Variants in PCDHA3 observed in about 807,000 individuals in gnomAD.
The protein encoded by PCDHA3 is protocadherin alpha-3.
PCDHA3 carries 41 observed loss-of-function variants against 62.2 expected under a neutral mutation model. That is an observed-to-expected ratio of 0.66 (90% confidence interval 0.51 to 0.86). The LOEUF (loss-of-function observed/expected upper bound fraction) is 0.86, where lower values mean the gene tolerates loss of function less well. Among genes scored for constraint, PCDHA3 ranks in the 40% least tolerant of loss-of-function variants. PCDHA3 has a pLI of 0.00. For missense variants in PCDHA3, 1,304 were observed against 1,241.2 expected (o/e 1.05, Z -0.76); for synonymous variants, 640 against 555.4 (o/e 1.15, Z -2.14).
intron 3 of PCDHA3, among the ~76,000 whole-genome samples, chr5:141,009,322 G>C (rs2098405890): frequency 6.6e-6 from 1 of 152,206 alleles, no homozygotes. Flanking sequence ...AGCCTGGCAT[G>C]GGAGCTTGTG....
chr5:140,890,068 T>C (rs1353953909), intron 1 of PCDHA3, among the ~76,000 whole-genome samples: 2 of 152,196 alleles, frequency 1.3e-5, no homozygotes, highest in African/African-American at 4.8e-5. Flanking sequence ...TTTACTGGCT[T>C]ATGAGAACTG....
chr5:140,966,930 G>A (rs1554228913), intron 1 of PCDHA3: 1 of 1,603,704 alleles, frequency 6.2e-7, no homozygotes, highest in Middle Eastern at 1.7e-4. Flanking sequence ...CAGGCACCCG[G>A]CGCGCTCGTG....
intron 1 of PCDHA3, chr5:140,822,841 C>T: frequency 1.9e-6 from 3 of 1,614,204 alleles, no homozygotes; most frequent in Non-Finnish European, 2.5e-6. Flanking sequence ...CACCCTTTTC[C>T]TGCCTGTCAA....
At chr5:140,854,131 C>T in intron 1 of PCDHA3, 1 of 404,286 alleles carries the variant, frequency 2.5e-6, no homozygotes, top group Non-Finnish European at 3.3e-6. Flanking sequence ...AACTGCATTT[C>T]AGCCCGGGTG....
At chr5:140,883,628 G>A (rs903824034) in intron 1 of PCDHA3, 1 of 1,613,884 alleles carries the variant, frequency 6.2e-7, no homozygotes, top group Admixed American at 1.7e-5. Context: ...CAACGCGCCG[G>A]CGTTCGCGCA....
chr5:140,848,579 C>A lies in PCDHA3; in HGVS notation c.2394+44988C>A, dbSNP rs2150413279. Reference sequence around the variant, plus strand: ...TCCTCGCAATGTGGGTGGTGGGGAGCGGCCAGCTCCACTACTCCGTCCCGG... The same window carrying A: ...TCCTCGCAATGTGGGTGGTGGGGAGAGGCCAGCTCCACTACTCCGTCCCGG... On this transcript the variant is annotated intron_variant, in intron 1 of 3. Transcript: ENST00000522353. 0.52 allele frequency: 831,192 copies of A among 1,591,790 alleles called. 256,408 individuals are homozygous for A. Among genetic ancestry groups the A allele is most frequent in the South Asian group, 0.62 (55,610 of 90,064 alleles).
At chr5:140,819,356 A>T (rs1766542325) in intron 1 of PCDHA3, among the ~76,000 whole-genome samples, 2 of 152,128 alleles carry the variant, frequency 1.3e-5, no homozygotes. Context: ...ATGAAGATTA[A>T]ATTTTCTTGT....
chr5:140,820,072 C>T (rs1044773695), intron 1 of PCDHA3, among the ~76,000 whole-genome samples: 1 of 151,950 alleles, frequency 6.6e-6, no homozygotes, highest in Non-Finnish European at 1.5e-5. Context: ...CTAACATCAG[C>T]TAATGCTGTT....
chr5:141,006,405 C>T (rs782532612), intron 3 of PCDHA3, among the ~76,000 whole-genome samples: 28 of 151,916 alleles, frequency 1.8e-4, no homozygotes, highest in Middle Eastern at 6.8e-3. Context: ...AGTAGAGACG[C>T]GGTTTCACTG....
intron 1 of PCDHA3, among the ~76,000 whole-genome samples, chr5:140,874,942 C>T (rs2055181968): frequency 6.6e-6 from 1 of 152,060 alleles, no homozygotes; most frequent in African/African-American, 2.4e-5. Context: ...ATTGAAACAG[C>T]GGAATTGTAA....
intron 1 of PCDHA3, chr5:140,871,001 C>T (rs2052611705): frequency 1.9e-6 from 3 of 1,613,292 alleles, no homozygotes; most frequent in Admixed American, 1.7e-5. Flanking sequence ...ATAAGCACAA[C>T]GCGTGCCCTG....
chr5:140,840,160 G>A (rs1039841732), intron 1 of PCDHA3, among the ~76,000 whole-genome samples: 17 of 152,042 alleles, frequency 1.1e-4, no homozygotes, highest in African/African-American at 3.9e-4. Context: ...AAGGAGAGAT[G>A]GGATGTATAC....
intron 1 of PCDHA3, chr5:140,877,258 G>T (rs1206242754): frequency 1.9e-6 from 3 of 1,613,662 alleles, no homozygotes; most frequent in Non-Finnish European, 2.5e-6. Context: ...GAAAGTGCGC[G>T]CGGTGGACGC....
intron 1 of PCDHA3, among the ~76,000 whole-genome samples, chr5:140,894,679 C>A (rs1227870690): frequency 6.6e-6 from 1 of 151,682 alleles, no homozygotes; most frequent in African/African-American, 2.4e-5. Context: ...TCTTGCATAG[C>A]TTTTCATTAT....
At chr5:140,805,331 C>T in intron 1 of PCDHA3, 1 of 1,238,568 alleles carries the variant, frequency 8.1e-7, no homozygotes, top group Non-Finnish European at 1.0e-6. Flanking sequence ...TGCTTGATGT[C>T]AATGATCATT....
chr5:140,981,670 C>T (rs1389601276), intron 2 of PCDHA3, among the ~76,000 whole-genome samples: 8 of 152,070 alleles, frequency 5.3e-5, no homozygotes, highest in Non-Finnish European at 1.0e-4. Context: ...TCCTTCCTTT[C>T]TTCCTTCCTC....
At chr5:140,968,697 C>G in intron 1 of PCDHA3, 2 of 1,614,144 alleles carry the variant, frequency 1.2e-6, no homozygotes, top group South Asian at 2.2e-5. Flanking sequence ...GAAATTAGGA[C>G]TACCAGGAAG....
At position 140,821,840 on chromosome 5, in the gene PCDHA3, A is replaced by G. The variant is rs140580277; in HGVS notation, c.2394+18249A>G. On this transcript the variant is annotated intron_variant, in intron 1 of 3. Transcript: ENST00000522353. ...CTGCTGCTCTGGCTTCTCCTTGCCT[A>G]CTGGAAGGCAGGGAGCGGCCAGCTC... The G allele has an allele frequency of 1.8e-3, 2,868 of 1,614,150 alleles. 95 individuals carry two copies. The Admixed American group carries it at 0.045, about 25-fold the overall frequency.
At chr5:140,943,608 T>C (rs1585137347) in intron 1 of PCDHA3, among the ~76,000 whole-genome samples, 1 of 152,184 alleles carries the variant, frequency 6.6e-6, no homozygotes, top group Non-Finnish European at 1.5e-5. Flanking sequence ...ATATAGACTT[T>C]GATTCATCTG....
Sources: allele counts gnomAD v4.1 joint callset (sites outside exome capture counted in the v4.1 genomes callset), GRCh38; gene constraint gnomAD v4.1.1; transcripts MANE v1.5; gene names NCBI Gene and HGNC (gene_info 2026-07-23, HGNC 2026-07-21).